The following SNX27 variants were observed in gnomAD, a reference collection of about 807,000 sequenced individuals.
SNX27 encodes sorting nexin 27.
A neutral mutation model predicts 71.6 loss-of-function variants in SNX27; 22 were observed. The ratio of observed to expected loss-of-function variants is 0.31; its 90% confidence interval spans 0.22 to 0.44. The LOEUF (loss-of-function observed/expected upper bound fraction) is 0.44. Among genes scored for constraint, SNX27 ranks in the 20% least tolerant of loss-of-function variants. The probability of loss-of-function intolerance (pLI) is 1.00; values close to 1 mark genes in which losing one functional copy is unlikely to be tolerated. For missense variants in SNX27, 531 were observed against 698.6 expected, an observed-to-expected ratio of 0.76 and a Z score of 2.70; for synonymous variants, 269 against 277.2, an observed-to-expected ratio of 0.97 and a Z score of 0.29.
intron 2 of SNX27, among the ~76,000 whole-genome samples, chr1:151,640,594 C>T (rs191477410): frequency 5.0e-4 from 76 of 152,084 alleles, no homozygotes; most frequent in African/African-American, 1.7e-3. Flanking sequence ...AGGCTAGTCT[C>T]GAACTCCTGA....
In SNX27 at chr1:151,638,947, G is replaced by A. The variant is rs1234194715; in HGVS notation, c.371G>A (p.Gly124Asp). 3.1e-6 allele frequency: 5 copies of A among 1,614,108 alleles called. No individual in the cohort carries two copies. The highest frequency in any genetic ancestry group is 4.2e-6 in the Non-Finnish European group (5 of 1,180,028). The change falls in exon 2 of 12, where the codon GGC becomes GAC. Residue 124 changes from glycine (G) to aspartate (D), a missense_variant. Physicochemically the swap from Gly to Asp is moderately conservative, Grantham distance 94. Coordinates refer to ENST00000458013, the MANE Select transcript of SNX27 (RefSeq NM_001330723.2). ...HKQVVDLIRA[G>D]EKELILTVLS... ...CAGGTGGTGGACCTGATTCGAGCAG[G>A]CGAGAAGGAATTGATCTTGACAGTG...
At chr1:151,680,503 A>G (rs1237753098) in intron 7 of SNX27, 2 of 152,120 alleles carry the variant, frequency 1.3e-5, no homozygotes, top group South Asian at 2.1e-4. Flanking sequence ...TTACTGCCCC[A>G]TGTGTAAAAG....
intron 1 of SNX27, among the ~76,000 whole-genome samples, chr1:151,633,631 C>A (rs367766285): frequency 6.6e-6 from 1 of 150,974 alleles, no homozygotes; most frequent in Non-Finnish European, 1.5e-5. Context: ...ACTATCCCCT[C>A]CCCTCCAGAC....
rs555571400 is a variant in SNX27, at chr1:151,632,199, C to A, written c.312-6689C>A. ...TGAGATGGAGTTTTGCTCTTGTTGC[C>A]CAGGCTGGAGTGCAGTGGTGCGATC... On this transcript the variant is annotated intron_variant, in intron 1 of 11. Transcript: ENST00000458013. 2.0e-5 allele frequency among the ~76,000 whole-genome samples: 3 copies of A among 151,840 alleles called. No individual in the cohort carries two copies. The East Asian group carries it at 5.8e-4, about 29-fold the overall frequency.
At position 151,692,454 on chromosome 1, in the gene SNX27, C is replaced by CTTG. The variant is rs747946637; in HGVS notation, c.1261_1263dup (p.Cys421dup). 3 of 509,414 alleles carry CTTG rather than the reference C, an allele frequency of 5.9e-6. No individual in the cohort carries two copies. The highest frequency in any genetic ancestry group is 4.4e-5 in the South Asian group (3 of 68,434). 31.6% of individuals were successfully genotyped at this position (509,414 alleles called of 1,614,324 possible). A position where few individuals can be genotyped will look rare whatever the true frequency, so the allele number is the denominator to read the frequency against. On this transcript the variant is annotated inframe_insertion, in exon 9 of 12. Transcript: ENST00000458013. Reference sequence around the variant, plus strand: ...TTTTAGTACCTCAACATGCTAAGGACTTGTGAGGGCTACAATGAAATCATC... The same window carrying CTTG: ...TTTTAGTACCTCAACATGCTAAGGACTTGTTGTGAGGGCTACAATGAAATCATC...
chr1:151,678,322 A>C (rs1311320261), intron 7 of SNX27: 1 of 152,170 alleles, frequency 6.6e-6, no homozygotes, highest in Non-Finnish European at 1.5e-5. Flanking sequence ...TGACTACTTT[A>C]GATATTTAAT....
intron 7 of SNX27, chr1:151,680,513 G>GAGCT (rs1670892901): frequency 6.6e-6 from 1 of 152,076 alleles, no homozygotes; most frequent in African/African-American, 2.4e-5. Flanking sequence ...ATGTGTAAAA[G>GAGCT]AGCTCACTTG....
At chr1:151,667,596 C>G (rs916434212) in intron 6 of SNX27, among the ~76,000 whole-genome samples, 1 of 151,546 alleles carries the variant, frequency 6.6e-6, no homozygotes, top group Non-Finnish European at 1.5e-5. Context: ...GAGGCCGAGG[C>G]GGGCGGATCA....
chr1:151,679,323 A>T (rs1268608867), intron 7 of SNX27: 1 of 152,230 alleles, frequency 6.6e-6, no homozygotes, highest in Admixed American at 6.5e-5. Context: ...AATTGATGAG[A>T]TATTATATGT....
chr1:151,616,023 G>A (rs1667409050), intron 1 of SNX27, among the ~76,000 whole-genome samples: 1 of 152,188 alleles, frequency 6.6e-6, no homozygotes, highest in Admixed American at 6.6e-5. Context: ...GTATGAACAA[G>A]CCCTCTGGGC....
rs533724049 is a variant in SNX27, at chr1:151,612,441, T to C, written c.240T>C (p.His80=). The C allele has an allele frequency of 1.1e-5, 16 of 1,454,282 alleles. No homozygotes were observed. The South Asian group carries it at 2.0e-4, about 19-fold the overall frequency. 90.1% of individuals were successfully genotyped at this position (1,454,282 alleles called of 1,614,324 possible). Residue 80 remains histidine, a synonymous_variant, in exon 1 of 12, where the codon CAT becomes CAC. Transcript: ENST00000458013. This position sits in a 1 kb window ranked among gnomAD's most constrained non-coding sequence, Gnocchi z 5.2. ...INGELYAPLQ[H]VSAVLPGGAA... ...GGGAGCTGTACGCGCCGCTGCAGCA[T>C]GTGAGCGCCGTGCTGCCCGGGGGGG...
rs997276981 is a variant in SNX27 at position 151,695,055 on chromosome 1, G to A, written c.*638G>A. 5.9e-5 allele frequency: 9 copies of A among 152,446 alleles called. No homozygotes were observed. The highest frequency in any genetic ancestry group is 1.4e-4 in the African/African-American group (6 of 41,394). 9.4% of individuals were successfully genotyped at this position (152,446 alleles called of 1,614,324 possible). On this transcript the variant is annotated 3_prime_UTR_variant, in exon 12 of 12. Coordinates refer to ENST00000458013, the MANE Select transcript of SNX27 (RefSeq NM_001330723.2). ...TGCTTGGATTTTTGCCCCTTTTTTT[G>A]TATTGAGTATAGATTCCGGCTCATG...
chr1:151,626,751 T>G lies in SNX27; in HGVS notation c.312-12137T>G, dbSNP rs1558037103. Reference sequence around the variant, plus strand: ...AATGTAAAATGAAGAAGAGAAAACTTAAATTGATTGAAATTTTGGGACCCT... The same window carrying G: ...AATGTAAAATGAAGAAGAGAAAACTGAAATTGATTGAAATTTTGGGACCCT... On this transcript the variant is annotated intron_variant, in intron 1 of 11. Coordinates refer to ENST00000458013, the MANE Select transcript of SNX27 (RefSeq NM_001330723.2). Among the ~76,000 whole-genome samples the G allele has an allele frequency of 2.0e-5, 3 of 152,262 alleles. No individual in the cohort carries two copies. In the South Asian group the frequency reaches 6.2e-4, roughly 32 times the overall value.
intron 8 of SNX27, chr1:151,685,455 G>A (rs1158844717): frequency 1.3e-5 from 2 of 152,190 alleles, no homozygotes; most frequent in Non-Finnish European, 2.9e-5. Flanking sequence ...GCTGAGGCGG[G>A]TGGATCACCT....
intron 3 of SNX27, chr1:151,660,274 CTAAAGT>C (rs1213269962): frequency 1.4e-5 from 2 of 147,442 alleles, no homozygotes; most frequent in Non-Finnish European, 3.0e-5. Flanking sequence ...TGTTTTGAAG[CTAAAGT>C]TAAAGTCAGT....
At chr1:151,621,941 A>G (rs1044032067) in intron 1 of SNX27, among the ~76,000 whole-genome samples, 2 of 152,200 alleles carry the variant, frequency 1.3e-5, no homozygotes, top group East Asian at 1.9e-4. Flanking sequence ...GAGGTTTTGT[A>G]TCAAGGAAAT....
chr1:151,638,763 C>T, intron 1 of SNX27, 125 bp from the exon 2 acceptor site: 2 of 864,130 alleles, frequency 2.3e-6, no homozygotes, highest in Non-Finnish European at 3.6e-6. Flanking sequence ...TTTCTGGAAC[C>T]AAATTAATCT....
rs1048139079 is a variant in SNX27 at position 151,694,530 on chromosome 1, T to C, written c.*113T>C. On this transcript the variant is annotated 3_prime_UTR_variant, in exon 12 of 12. Transcript: ENST00000458013. ...AGAAGAGAAAAAGTTAAAGTCGTTATATTCAAAAGCCCTAAACTAAATATT... is the reference window on the plus strand; with the variant it reads ...AGAAGAGAAAAAGTTAAAGTCGTTACATTCAAAAGCCCTAAACTAAATATT... 19 of 1,112,714 alleles carry C rather than the reference T, an allele frequency of 1.7e-5. No homozygotes were observed. In the African/African-American group the frequency reaches 2.4e-4, roughly 14 times the overall value. The allele number at this position is 1,112,714 out of a possible 1,614,324, so 68.9% of individuals were successfully genotyped here.
At chr1:151,669,918 A>T (rs957401182) in intron 7 of SNX27, among the ~76,000 whole-genome samples, 1 of 152,116 alleles carries the variant, frequency 6.6e-6, no homozygotes, top group Non-Finnish European at 1.5e-5. Flanking sequence ...TTAGTAATTT[A>T]AAAATGTACA....
Sources: allele counts gnomAD v4.1 joint callset (sites outside exome capture counted in the v4.1 genomes callset), GRCh38; gene constraint gnomAD v4.1.1; non-coding constraint Gnocchi (gnomAD v3.1); transcripts MANE v1.5; gene names NCBI Gene and HGNC (gene_info 2026-07-23, HGNC 2026-07-21).